Variants in GRM7 observed in about 807,000 individuals in gnomAD.
GRM7 encodes metabotropic glutamate receptor 7.
Under a neutral mutation model 84.5 loss-of-function variants are expected in GRM7, and 35 were observed. The observed-to-expected ratio is 0.41, with a 90% CI of 0.32 to 0.55. The LOEUF (loss-of-function observed/expected upper bound fraction) is 0.55, where lower values mean the gene tolerates loss of function less well. Ranked by LOEUF, GRM7 falls within the 20% of genes least tolerant of loss-of-function variation. The pLI is 0.19. For synonymous variants in GRM7, 487 were observed against 455.1 expected, an observed-to-expected ratio of 1.07 and a Z score of -0.89; for missense variants, 1,003 against 1,194.6, an observed-to-expected ratio of 0.84 and a Z score of 2.36.
chr3:7,181,848 C>A (rs570844662), intron 2 of GRM7, among the ~76,000 whole-genome samples: 1 of 151,966 alleles, frequency 6.6e-6, no homozygotes, highest in African/African-American at 2.4e-5. Context: ...TGAGCTCAAG[C>A]GATCCTCCCT....
At chr3:7,464,631 C>T (rs1698386253) in intron 7 of GRM7, among the ~76,000 whole-genome samples, 1 of 151,750 alleles carries the variant, frequency 6.6e-6, no homozygotes, top group Non-Finnish European at 1.5e-5. Context: ...GAGATCAAGA[C>T]CATCCTGGCT....
intron 7 of GRM7, among the ~76,000 whole-genome samples, chr3:7,478,813 TC>T (rs1248928739): frequency 1.3e-5 from 2 of 151,992 alleles, no homozygotes; most frequent in African/African-American, 4.8e-5. Context: ...TTGGCCCATC[TC>T]CCCCCAGGCA....
At chr3:7,174,397 ATTT>A (rs1284231219) in intron 2 of GRM7, among the ~76,000 whole-genome samples, 38 of 152,342 alleles carry the variant, frequency 2.5e-4, no homozygotes, top group African/African-American at 9.1e-4. Flanking sequence ...ACAGAGACAC[ATTT>A]AAAATAGAAT....
intron 2 of GRM7, among the ~76,000 whole-genome samples, chr3:7,191,248 G>A (rs780207435): frequency 8.6e-5 from 13 of 151,740 alleles, no homozygotes; most frequent in African/African-American, 1.7e-4. Flanking sequence ...CTGTGAATAC[G>A]TCCTTCTCTT....
intron 9 of GRM7, among the ~76,000 whole-genome samples, chr3:7,717,598 TA>T (rs1701809721): frequency 6.6e-6 from 1 of 152,128 alleles, no homozygotes; most frequent in Admixed American, 6.5e-5. Flanking sequence ...TGGCCAAAGA[TA>T]AATCAAACTC....
intron 1 of GRM7, among the ~76,000 whole-genome samples, chr3:7,079,848 T>A (rs561701134): frequency 6.6e-4 from 100 of 152,260 alleles, no homozygotes; most frequent in African/African-American, 2.1e-3. Context: ...GAATCCCAGG[T>A]GGTCATGCCT....
intron 1 of GRM7, among the ~76,000 whole-genome samples, chr3:7,097,848 T>C: frequency 6.6e-6 from 1 of 152,126 alleles, no homozygotes; most frequent in South Asian, 2.1e-4. Flanking sequence ...TTTCCTCTTT[T>C]AATTATTAAC....
chr3:7,326,398 T>G (rs1365213228), intron 4 of GRM7, among the ~76,000 whole-genome samples: 1 of 152,136 alleles, frequency 6.6e-6, no homozygotes. Context: ...TAGCAAGTGA[T>G]TATAGCATTT....
chr3:7,247,308 A>T (rs779358540), intron 2 of GRM7, among the ~76,000 whole-genome samples: 6 of 152,134 alleles, frequency 3.9e-5, no homozygotes, highest in Non-Finnish European at 7.4e-5. Context: ...ACCATAGCTC[A>T]TTCCTGTAAT....
chr3:6,911,706 G>A (rs1696776040), intron 1 of GRM7, among the ~76,000 whole-genome samples: 1 of 152,060 alleles, frequency 6.6e-6, no homozygotes, highest in Non-Finnish European at 1.5e-5. Context: ...TTCTACTTTA[G>A]CTCTTGCTTA....
At chr3:7,238,301 T>C (rs895848650) in intron 2 of GRM7, among the ~76,000 whole-genome samples, 20 of 152,190 alleles carry the variant, frequency 1.3e-4, no homozygotes, top group Admixed American at 7.9e-4. Context: ...GTTCATCACA[T>C]TTGCTTCTGC....
intron 7 of GRM7, among the ~76,000 whole-genome samples, chr3:7,532,908 C>T (rs1238411825): frequency 1.4e-5 from 2 of 145,432 alleles, no homozygotes; most frequent in South Asian, 2.3e-4. Context: ...AATGGCATTA[C>T]TTACATAATG....
At chr3:7,085,167 T>C (rs1326229877) in intron 1 of GRM7, among the ~76,000 whole-genome samples, 1 of 152,154 alleles carries the variant, frequency 6.6e-6, no homozygotes, top group Non-Finnish European at 1.5e-5. Context: ...TTAGACCTTT[T>C]TGGAATTGGC....
intron 2 of GRM7, among the ~76,000 whole-genome samples, chr3:7,258,539 T>C (rs953582010): frequency 4.6e-5 from 7 of 152,184 alleles, no homozygotes; most frequent in Non-Finnish European, 8.8e-5. Context: ...AATGGTTTCA[T>C]TGGGGTTAAA....
At chr3:7,347,192 G>C (rs1327313252) in intron 4 of GRM7, among the ~76,000 whole-genome samples, 1 of 152,036 alleles carries the variant, frequency 6.6e-6, no homozygotes, top group Non-Finnish European at 1.5e-5. Context: ...GAGAAAGATG[G>C]CTCCGAAATT....
chr3:7,327,921 G>T (rs1701049239), intron 4 of GRM7, among the ~76,000 whole-genome samples: 1 of 152,166 alleles, frequency 6.6e-6, no homozygotes, highest in Non-Finnish European at 1.5e-5. Context: ...AAGTCCTACA[G>T]AAAACTTATG....
At chr3:7,447,283 A>T (rs1330628106) in intron 5 of GRM7, among the ~76,000 whole-genome samples, 1 of 152,210 alleles carries the variant, frequency 6.6e-6, no homozygotes, top group Non-Finnish European at 1.5e-5. Context: ...TTGAAAAAAA[A>T]GCTGATTTTT....
At chr3:7,548,739 A>C (rs146331362) in intron 7 of GRM7, among the ~76,000 whole-genome samples, 5 of 152,158 alleles carry the variant, frequency 3.3e-5, no homozygotes, top group African/African-American at 1.2e-4. Flanking sequence ...ATTTTGAAGC[A>C]CTAGTGTGTG....
intron 7 of GRM7, among the ~76,000 whole-genome samples, chr3:7,577,401 G>A (rs1009733138): frequency 6.6e-6 from 1 of 152,138 alleles, no homozygotes; most frequent in African/African-American, 2.4e-5. Flanking sequence ...TTAGGCCTAG[G>A]TCATGTGCAC....
Sources: allele counts gnomAD v4.1 joint callset (sites outside exome capture counted in the v4.1 genomes callset), GRCh38; gene constraint gnomAD v4.1.1; transcripts MANE v1.5; gene names NCBI Gene and HGNC (gene_info 2026-07-23, HGNC 2026-07-21).